MAP3K20: variants seen among roughly 807,000 people sequenced by gnomAD.
MAP3K20 encodes the protein HCCS-4.
In MAP3K20, 40 loss-of-function variants were observed where a neutral mutation model predicts 85.7. That is an observed-to-expected ratio of 0.47 (90% CI 0.36 to 0.61). The LOEUF (loss-of-function observed/expected upper bound fraction) is 0.61. MAP3K20 is among the 20% of genes least tolerant of loss of function. The pLI is 0.00. For missense variants in MAP3K20, 817 were observed against 961.7 expected, an observed-to-expected ratio of 0.85 and a Z score of 1.99; for synonymous variants, 325 against 327.7, an observed-to-expected ratio of 0.99 and a Z score of 0.09.
At position 173,075,855 on chromosome 2, in the gene MAP3K20, G is replaced by C. The variant is rs1274947891; in HGVS notation, c.-182G>C. ...TGCCGTGACTGTCTTCCTCATTGGC[G>C]CCGTGCAGAGAGGCGGAATGTTCAA... is the stretch of plus-strand genomic sequence containing the variant. On this transcript the variant is annotated 5_prime_UTR_variant, in exon 1 of 20. Coordinates refer to ENST00000375213, the MANE Select transcript of MAP3K20 (RefSeq NM_016653.3). 1.0e-6 allele frequency: 1 copy of C among 985,178 alleles called. No individual in the cohort carries two copies. The highest frequency in any genetic ancestry group is 1.2e-6 in the Non-Finnish European group (1 of 829,928). The allele number at this position is 985,178 out of a possible 1,614,324, so 61.0% of individuals were successfully genotyped here.
chr2:173,226,280 A>G (rs16861375), intron 11 of MAP3K20: 1 of 985,426 alleles, frequency 1.0e-6, no homozygotes, highest in East Asian at 1.1e-4. Flanking sequence ...TTGGAATGGT[A>G]AGAGTTTTAT....
Position 173,144,479 on chromosome 2 carries a change from A to AAAAAAAG in MAP3K20, c.160-25321_160-25315dup, listed in dbSNP as rs1274682273. Among the ~76,000 whole-genome samples the AAAAAAAG allele has an allele frequency of 3.4e-4, 49 of 143,784 alleles. 1 individual carries two copies. Among genetic ancestry groups the AAAAAAAG allele is most frequent in the Non-Finnish European group, 5.9e-4 (39 of 65,734 alleles). 94.3% of individuals were successfully genotyped at this position (143,784 alleles called of 152,430 possible). On this transcript the variant is annotated intron_variant, in intron 2 of 19. Transcript: ENST00000375213. ...CTCCGTCTCAAAAAAAAAAAAAAAA[A>AAAAAAAG]AAAAAAGAAAAGAAAGAAAGAAGAG...
chr2:173,077,191 C>A (rs144769246), intron 1 of MAP3K20, among the ~76,000 whole-genome samples: 126 of 152,124 alleles, frequency 8.3e-4, no homozygotes, highest in African/African-American at 2.9e-3. Flanking sequence ...CTTCTTTAAC[C>A]CCGAAGCTGT....
chr2:173,087,843 T>C (rs1226622253), intron 1 of MAP3K20, among the ~76,000 whole-genome samples: 1 of 56,432 alleles, frequency 1.8e-5, no homozygotes, highest in East Asian at 7.7e-4. Context: ...AGGTAACTAA[T>C]GGGAGATATG....
chr2:173,154,548 A>C (rs1689400144), intron 2 of MAP3K20, among the ~76,000 whole-genome samples: 1 of 152,188 alleles, frequency 6.6e-6, no homozygotes, highest in Non-Finnish European at 1.5e-5. Flanking sequence ...ATTTTAATAC[A>C]GATCCTTCAC....
intron 3 of MAP3K20, among the ~76,000 whole-genome samples, chr2:173,179,051 A>G (rs1338704381): frequency 2.0e-5 from 3 of 152,348 alleles, no homozygotes; most frequent in East Asian, 3.9e-4. Flanking sequence ...ACCCTATATG[A>G]TCATTTCAAG....
At position 173,224,193 on chromosome 2, in the gene MAP3K20, T is replaced by A. The variant is rs148613676; in HGVS notation, c.988-5496T>A. Reference sequence around the variant, plus strand: ...TGGGTGGGTGTTGAGGTTTTTAAAGTGTGGTCAGGAAAGGCCCCACTGATA... The same window carrying A: ...TGGGTGGGTGTTGAGGTTTTTAAAGAGTGGTCAGGAAAGGCCCCACTGATA... On this transcript the variant is annotated intron_variant, in intron 11 of 19. Transcript: ENST00000375213. The A allele has an allele frequency of 4.1e-5, 39 of 952,174 alleles. No homozygotes were observed. In the Middle Eastern group the frequency reaches 2.7e-3, roughly 66 times the overall value. The allele number at this position is 952,174 out of a possible 1,614,324, so 59.0% of individuals were successfully genotyped here.
rs906694702 is a variant in MAP3K20 at position 173,209,580 on chromosome 2, T to C, written c.745-149T>C. ...TCCCTAAACCTGAGTGATCTGATGATTGTAAAATAACTACATCAGGACATT... is the reference window on the plus strand; with the variant it reads ...TCCCTAAACCTGAGTGATCTGATGACTGTAAAATAACTACATCAGGACATT... On this transcript the variant is annotated intron_variant, in intron 9 of 19. Transcript: ENST00000375213. 9 of 616,558 alleles carry C rather than the reference T, an allele frequency of 1.5e-5. No individual in the cohort carries two copies. In the African/African-American group the frequency reaches 1.5e-4, roughly 10 times the overall value. The allele number at this position is 616,558 out of a possible 1,614,324, so 38.2% of individuals were successfully genotyped here.
intron 2 of MAP3K20, among the ~76,000 whole-genome samples, chr2:173,135,808 T>C (rs975231135): frequency 6.6e-6 from 1 of 152,242 alleles, no homozygotes; most frequent in African/African-American, 2.4e-5. Context: ...TTTTTTCATA[T>C]GCTTCAAAAC....
chr2:173,087,725 AT>A (rs1687181019), intron 1 of MAP3K20, among the ~76,000 whole-genome samples: 1 of 152,242 alleles, frequency 6.6e-6, no homozygotes, highest in African/African-American at 2.4e-5. Flanking sequence ...TTTCAAAATT[AT>A]ATGGAAAATC....
At chr2:173,104,967 G>A (rs2106164950) in intron 2 of MAP3K20, among the ~76,000 whole-genome samples, 1 of 152,306 alleles carries the variant, frequency 6.6e-6, no homozygotes, top group Admixed American at 6.5e-5. Context: ...ATCGTAGCTG[G>A]AGTGGAGTGT....
chr2:173,153,669 T>G (rs1689371901), intron 2 of MAP3K20, among the ~76,000 whole-genome samples: 1 of 152,216 alleles, frequency 6.6e-6, no homozygotes, highest in Admixed American at 6.5e-5. Context: ...AACCTAAGAA[T>G]TAGTCATTTC....
intron 2 of MAP3K20, among the ~76,000 whole-genome samples, chr2:173,159,175 C>G (rs878897371): frequency 6.6e-6 from 1 of 152,148 alleles, no homozygotes; most frequent in Admixed American, 6.5e-5. Context: ...TTCGTAGATG[C>G]CTAATCCTTC....
intron 5 of MAP3K20, among the ~76,000 whole-genome samples, chr2:173,188,774 G>T (rs958661227): frequency 6.6e-6 from 1 of 152,102 alleles, no homozygotes; most frequent in Non-Finnish European, 1.5e-5. Flanking sequence ...TAAGCTTCCT[G>T]GAACTAAGCA....
chr2:173,121,141 A>G (rs1688275417), intron 2 of MAP3K20, among the ~76,000 whole-genome samples: 1 of 152,054 alleles, frequency 6.6e-6, no homozygotes. Flanking sequence ...GTTGTCTCTC[A>G]TTTGATGCCA....
intron 11 of MAP3K20, chr2:173,223,540 A>G: frequency 1.0e-6 from 1 of 985,406 alleles, no homozygotes; most frequent in African/African-American, 1.7e-5. Context: ...TCTCTGTAGT[A>G]TGAGATGAAA....
chr2:173,197,897 C>CA (rs1690902971), intron 7 of MAP3K20, 129 bp from the exon 8 acceptor site: 1 of 600,784 alleles, frequency 1.7e-6, no homozygotes, highest in African/African-American at 1.9e-5. Context: ...TTGTTTTGCC[C>CA]AAGTTTCTAC....
intron 2 of MAP3K20, among the ~76,000 whole-genome samples, chr2:173,095,815 G>T (rs1687441023): frequency 6.6e-6 from 1 of 152,166 alleles, no homozygotes; most frequent in Non-Finnish European, 1.5e-5. Context: ...GTGGTGAAAG[G>T]AAGTTACAAA....
At chr2:173,094,245 T>C (rs1369172924) in intron 2 of MAP3K20, among the ~76,000 whole-genome samples, 1 of 152,216 alleles carries the variant, frequency 6.6e-6, no homozygotes, top group Admixed American at 6.5e-5. Flanking sequence ...CATTTTACAT[T>C]TGCTTTTTCT....
Sources: gnomAD v4.1 joint callset for allele counts (sites outside exome capture counted in the v4.1 genomes callset) on GRCh38, gnomAD v4.1.1 for gene constraint, MANE v1.5 for transcripts, NCBI Gene and HGNC (gene_info 2026-07-23, HGNC 2026-07-21) for gene names.